Variants in KAZN observed in about 807,000 individuals in gnomAD.
KAZN encodes kazrin, periplakin interacting protein.
In KAZN, 40 loss-of-function variants were observed where a neutral mutation model predicts 87.4. The ratio of observed to expected loss-of-function variants is 0.46; its 90% CI spans 0.36 to 0.60. KAZN has a LOEUF of 0.60. KAZN is among the 20% of genes least tolerant of loss of function. KAZN has a pLI of 0.00. For synonymous variants in KAZN, 466 were observed against 458.3 expected, an observed-to-expected ratio of 1.02 and a Z score of -0.22; for missense variants, 898 against 1,073.9, an observed-to-expected ratio of 0.84 and a Z score of 2.29.
chr1:14,730,104 G>A (rs1403550442), intron 1 of KAZN, among the ~76,000 whole-genome samples: 1 of 152,006 alleles, frequency 6.6e-6, no homozygotes, highest in Non-Finnish European at 1.5e-5. Flanking sequence ...TTTTAAATGT[G>A]ACAGAGTCTA....
At chr1:14,484,579 A>C (rs1035703119) in intron 2 of KAZN, among the ~76,000 whole-genome samples, 1 of 152,252 alleles carries the variant, frequency 6.6e-6, no homozygotes, top group Non-Finnish European at 1.5e-5. Flanking sequence ...ATAGTGCTGC[A>C]TAACAAACAA....
At chr1:15,092,058 T>TG (rs1640559794) in intron 8 of KAZN, among the ~76,000 whole-genome samples, 3 of 128,680 alleles carry the variant, frequency 2.3e-5, no homozygotes, top group East Asian at 5.1e-4. Context: ...TTTTGTTTTT[T>TG]TGTTTTTTTT....
At chr1:14,258,325 C>T (rs1241408108) in intron 2 of KAZN, among the ~76,000 whole-genome samples, 17 of 150,726 alleles carry the variant, frequency 1.1e-4, no homozygotes, top group Non-Finnish European at 4.4e-5. Context: ...ACACCATTCT[C>T]CTGCCTCAGC....
At position 14,736,252 on chromosome 1, in the gene KAZN, A is replaced by AGGGG. The variant is rs201012600; in HGVS notation, c.226+137032_226+137033insGGGG. On this transcript the variant is annotated intron_variant, in intron 1 of 14. Transcript: ENST00000376030. ...CCTGTTGGGGCTCATGTGGGACTCA[A>AGGGG]GGGTGTGTGTGTGTGTGTGTGTGTG... 8.3e-4 allele frequency among the ~76,000 whole-genome samples: 94 copies of AGGGG among 113,220 alleles called. 1 individual carries two copies. Among genetic ancestry groups the AGGGG allele is most frequent in the South Asian group, 3.4e-3 (9 of 2,678 alleles). 74.3% of individuals were successfully genotyped at this position (113,220 alleles called of 152,430 possible).
rs940971013 is a variant in KAZN at position 13,931,471 on chromosome 1, CGTGT to C, written c.91+37723_91+37726del. ...GGGTGTGTGTGTGTGTGTGTGCATG[CGTGT>C]GTGTGTGCATGCATGTGTGTGTGCA... On this transcript the variant is annotated intron_variant, in intron 1 of 16. Coordinates refer to the KAZN transcript ENST00000636203. 3.4e-5 allele frequency among the ~76,000 whole-genome samples: 5 copies of C among 147,876 alleles called. No homozygotes were observed. In the East Asian group the frequency reaches 1.0e-3, roughly 30 times the overall value.
At chr1:14,400,711 C>T (rs1296110798) in intron 2 of KAZN, among the ~76,000 whole-genome samples, 1 of 152,158 alleles carries the variant, frequency 6.6e-6, no homozygotes, top group Non-Finnish European at 1.5e-5. Context: ...CCATTGTTGC[C>T]TAGCTGTACT....
chr1:14,850,374 G>T (rs528844229), intron 1 of KAZN, among the ~76,000 whole-genome samples: 3 of 152,268 alleles, frequency 2.0e-5, no homozygotes, highest in East Asian at 1.9e-4. Context: ...CACATGTGAG[G>T]TTGGTCATCT....
intron 2 of KAZN, among the ~76,000 whole-genome samples, chr1:14,387,587 C>T (rs940181636): frequency 6.6e-6 from 1 of 152,172 alleles, no homozygotes; most frequent in Non-Finnish European, 1.5e-5. Context: ...AGATGTCAGT[C>T]TGCCCCTGCT....
intron 2 of KAZN, among the ~76,000 whole-genome samples, chr1:14,345,412 T>C (rs1216426153): frequency 6.6e-6 from 1 of 152,200 alleles, no homozygotes; most frequent in African/African-American, 2.4e-5. Flanking sequence ...TTTAAAAATT[T>C]CCAGTAGCCA....
chr1:14,708,337 T>G (rs191038436), intron 1 of KAZN, among the ~76,000 whole-genome samples: 1 of 152,228 alleles, frequency 6.6e-6, no homozygotes, highest in Non-Finnish European at 1.5e-5. Flanking sequence ...ACAAGTGATA[T>G]TTTGCACTGC....
Position 14,077,999 on chromosome 1 carries a change from T to C in KAZN, c.92-102436T>C, listed in dbSNP as rs370156119. Among the ~76,000 whole-genome samples the C allele has an allele frequency of 3.9e-5, 6 of 152,242 alleles. No individual in the cohort carries two copies. In the East Asian group the frequency reaches 9.6e-4, roughly 24 times the overall value. On this transcript the variant is annotated intron_variant, in intron 1 of 16. Transcript: ENST00000636203. ...CAACTCTGCTGACATTGGACTTCTGTTCTCCAAGACTGCGAGAGAATAGCT... is the reference window on the plus strand; with the variant it reads ...CAACTCTGCTGACATTGGACTTCTGCTCTCCAAGACTGCGAGAGAATAGCT...
Position 15,027,191 on chromosome 1 carries a change from C to T in KAZN, c.419-7558C>T, listed in dbSNP as rs187235683. 4.6e-3 allele frequency among the ~76,000 whole-genome samples: 685 copies of T among 148,002 alleles called. 4 individuals are homozygous for T. The highest frequency in any genetic ancestry group is 0.016 in the African/African-American group (652 of 40,274). On this transcript the variant is annotated intron_variant, in intron 2 of 14. Coordinates refer to ENST00000376030, the MANE Select transcript of KAZN (RefSeq NM_201628.3). ...CCGCCTCCCGGGTTCACGCCATTCT[C>T]CTGCCTCAGCCTCCCCAGTAGCTGG... is the stretch of plus-strand genomic sequence containing the variant.
intron 1 of KAZN, among the ~76,000 whole-genome samples, chr1:14,785,324 T>G (rs540043419): frequency 6.6e-6 from 1 of 152,264 alleles, no homozygotes; most frequent in East Asian, 1.9e-4. Context: ...TGTCTCTCAG[T>G]TCAGGCTTTT....
intron 1 of KAZN, among the ~76,000 whole-genome samples, chr1:14,669,516 G>T (rs369131235): frequency 6.6e-6 from 1 of 152,186 alleles, no homozygotes; most frequent in East Asian, 1.9e-4. Flanking sequence ...AGCTGAGCGG[G>T]GAGGATTGTT....
At chr1:14,116,332 A>G (rs1207260583) in intron 1 of KAZN, among the ~76,000 whole-genome samples, 1 of 152,198 alleles carries the variant, frequency 6.6e-6, no homozygotes, top group Non-Finnish European at 1.5e-5. Context: ...TGCTGTGTGC[A>G]GCCTAGGGAT....
chr1:14,890,840 CTTTTTTTTTT>C (rs34718502), intron 1 of KAZN, among the ~76,000 whole-genome samples: 1 of 69,676 alleles, frequency 1.4e-5, no homozygotes, highest in Admixed American at 2.2e-4. Context: ...GGAATCTGGA[CTTTTTTTTTT>C]TTTTTTTTTT....
intron 2 of KAZN, among the ~76,000 whole-genome samples, chr1:14,537,504 A>G (rs937696446): frequency 1.3e-5 from 2 of 152,240 alleles, no homozygotes; most frequent in African/African-American, 4.8e-5. Context: ...ATGGGCACTA[A>G]CCAGCTGTTT....
At chr1:14,778,257 A>G (rs532615926) in intron 1 of KAZN, among the ~76,000 whole-genome samples, 1 of 152,346 alleles carries the variant, frequency 6.6e-6, no homozygotes, top group East Asian at 1.9e-4. Context: ...TGCAGCCTCC[A>G]TAAACCAGCC....
intron 2 of KAZN, among the ~76,000 whole-genome samples, chr1:14,581,911 G>A (rs921224353): frequency 4.0e-5 from 6 of 151,736 alleles, no homozygotes; most frequent in African/African-American, 4.8e-5. Flanking sequence ...CTCCCCCTTC[G>A]TCCTTTAGTT....
Sources: allele counts gnomAD v4.1 joint callset (sites outside exome capture counted in the v4.1 genomes callset), GRCh38; gene constraint gnomAD v4.1.1; transcripts MANE v1.5; gene names NCBI Gene and HGNC (gene_info 2026-07-23, HGNC 2026-07-21).